Variants in FILIP1L observed in about 807,000 individuals in gnomAD.
FILIP1L encodes the protein filamin A interacting protein 1 like.
In FILIP1L, 55 loss-of-function variants were observed where a neutral mutation model predicts 96.6. That is an observed-to-expected ratio of 0.57 (90% confidence interval 0.46 to 0.71). The LOEUF (loss-of-function observed/expected upper bound fraction) is 0.71, where lower values mean the gene tolerates loss of function less well. Among genes scored for constraint, FILIP1L ranks in the 30% least tolerant of loss-of-function variants. The probability of loss-of-function intolerance (pLI) is 0.00; values close to 1 mark genes in which losing one functional copy is unlikely to be tolerated. For synonymous variants in FILIP1L, 467 were observed against 473.9 expected, an observed-to-expected ratio of 0.99 and a Z score of 0.19; for missense variants, 1,304 against 1,321.2, an observed-to-expected ratio of 0.99 and a Z score of 0.20.
At chr3:100,004,774 A>G (rs1352614517) in intron 1 of FILIP1L, among the ~76,000 whole-genome samples, 3 of 152,244 alleles carry the variant, frequency 2.0e-5, no homozygotes, top group Non-Finnish European at 4.4e-5. Context: ...TAATGTCATC[A>G]AAATGAATTC....
intron 1 of FILIP1L, among the ~76,000 whole-genome samples, chr3:100,030,935 G>A (rs1173279829): frequency 6.6e-6 from 1 of 152,042 alleles, no homozygotes; most frequent in African/African-American, 2.4e-5. Context: ...ATATAGATTT[G>A]CATTATAATA....
At chr3:99,959,369 C>T (rs1355004741) in intron 1 of FILIP1L, among the ~76,000 whole-genome samples, 4 of 152,178 alleles carry the variant, frequency 2.6e-5, no homozygotes, top group Non-Finnish European at 5.9e-5. Flanking sequence ...AGGCTGGTCT[C>T]GAACTCCTGT....
chr3:100,070,786 C>T (rs988282000), intron 1 of FILIP1L, among the ~76,000 whole-genome samples: 1 of 152,174 alleles, frequency 6.6e-6, no homozygotes, highest in Admixed American at 6.5e-5. Flanking sequence ...CATGTGCCAC[C>T]ATGCCTGGCT....
chr3:100,028,284 C>G (rs145049868), intron 1 of FILIP1L, among the ~76,000 whole-genome samples: 5 of 152,298 alleles, frequency 3.3e-5, no homozygotes, highest in African/African-American at 1.2e-4. Flanking sequence ...GCTAACCTAT[C>G]AAACCCAGGC....
At chr3:99,962,014 G>T (rs1184321712) in intron 1 of FILIP1L, among the ~76,000 whole-genome samples, 1 of 152,146 alleles carries the variant, frequency 6.6e-6, no homozygotes, top group Non-Finnish European at 1.5e-5. Context: ...TTGCTGATTG[G>T]GGGTTAGGGA....
At chr3:99,916,168 T>C (rs1706943709) in intron 4 of FILIP1L, among the ~76,000 whole-genome samples, 1 of 152,150 alleles carries the variant, frequency 6.6e-6, no homozygotes, top group Non-Finnish European at 1.5e-5. Flanking sequence ...CATCCTGCAA[T>C]CTGTTGAGAG....
chr3:100,021,831 A>G (rs1186418432), intron 1 of FILIP1L, among the ~76,000 whole-genome samples: 1 of 152,128 alleles, frequency 6.6e-6, no homozygotes, highest in African/African-American at 2.4e-5. Flanking sequence ...TTATAATTCA[A>G]TAGAACAGTG....
At chr3:100,074,021 A>G (rs2065805128) in intron 1 of FILIP1L, among the ~76,000 whole-genome samples, 1 of 152,124 alleles carries the variant, frequency 6.6e-6, no homozygotes, top group African/African-American at 2.4e-5. Flanking sequence ...AGTAAAAGCA[A>G]GTCGTCTTCT....
chr3:100,098,520 A>G (rs139557974), intron 1 of FILIP1L, among the ~76,000 whole-genome samples: 2 of 152,362 alleles, frequency 1.3e-5, no homozygotes, highest in African/African-American at 2.4e-5. Context: ...ATTGTTAGCT[A>G]TAATTGACTG....
At chr3:100,024,337 T>C (rs1252787849) in intron 1 of FILIP1L, among the ~76,000 whole-genome samples, 2 of 152,192 alleles carry the variant, frequency 1.3e-5, no homozygotes, top group African/African-American at 4.8e-5. Context: ...GATTGCATTT[T>C]CTATGATTTC....
chr3:99,833,323 G>T, intron 5 of FILIP1L: 1 of 1,425,696 alleles, frequency 7.0e-7, no homozygotes, highest in Non-Finnish European at 9.8e-7. Context: ...TAAAAGTGTT[G>T]GTTTGTTTTA....
At chr3:99,855,659 A>G (rs139047511) in intron 4 of FILIP1L, among the ~76,000 whole-genome samples, 1 of 152,350 alleles carries the variant, frequency 6.6e-6, no homozygotes, top group African/African-American at 2.4e-5. Flanking sequence ...ATGGAGAACT[A>G]TCAACTTAAA....
intron 1 of FILIP1L, among the ~76,000 whole-genome samples, chr3:99,940,888 C>A (rs1257642891): frequency 6.6e-6 from 1 of 152,214 alleles, no homozygotes; most frequent in Non-Finnish European, 1.5e-5. Context: ...CCCTTTCTTT[C>A]ATCTAAGGAA....
At chr3:99,871,044 G>A (rs1944761750) in intron 4 of FILIP1L, among the ~76,000 whole-genome samples, 1 of 152,122 alleles carries the variant, frequency 6.6e-6, no homozygotes, top group Non-Finnish European at 1.5e-5. Flanking sequence ...ATTAAACTGA[G>A]GTAGATGAAG....
chr3:99,919,807 T>C (rs1229121899), intron 4 of FILIP1L, among the ~76,000 whole-genome samples: 1 of 152,210 alleles, frequency 6.6e-6, no homozygotes, highest in Non-Finnish European at 1.5e-5. Flanking sequence ...AAGTGCTTTG[T>C]TCTTCATTGA....
At chr3:100,105,830 C>G (rs2066385720) in intron 1 of FILIP1L, among the ~76,000 whole-genome samples, 1 of 152,142 alleles carries the variant, frequency 6.6e-6, no homozygotes, top group Non-Finnish European at 1.5e-5. Context: ...TTTTAACCTC[C>G]TGGGATGCAA....
At chr3:99,988,339 TCCAAAAAA>T (rs1394458696) in intron 1 of FILIP1L, among the ~76,000 whole-genome samples, 17 of 28,362 alleles carry the variant, frequency 6.0e-4, no homozygotes, top group African/African-American at 1.0e-3. Context: ...CTACTAAAAA[TCCAAAAAA>T]AAAAAAAAAA....
chr3:99,952,633 T>C (rs1708209874), intron 1 of FILIP1L, among the ~76,000 whole-genome samples: 1 of 152,168 alleles, frequency 6.6e-6, no homozygotes, highest in Admixed American at 6.5e-5. Flanking sequence ...TTTAAACACA[T>C]ACACACAGAG....
chr3:100,110,212 C>T (rs2066467597), intron 1 of FILIP1L, among the ~76,000 whole-genome samples: 1 of 152,108 alleles, frequency 6.6e-6, no homozygotes, highest in African/African-American at 2.4e-5. Context: ...ACCCCACATG[C>T]TCCCTGATCA....
Sources: gnomAD v4.1 joint callset for allele counts (sites outside exome capture counted in the v4.1 genomes callset) on GRCh38, gnomAD v4.1.1 for gene constraint, MANE v1.5 for transcripts, NCBI Gene and HGNC (gene_info 2026-07-23, HGNC 2026-07-21) for gene names.